POU2F1: variants seen among roughly 807,000 people sequenced by gnomAD.
The protein encoded by POU2F1 is POU domain, class 2, transcription factor 1.
Under a neutral mutation model 84.9 loss-of-function variants are expected in POU2F1, and 16 were observed. The observed-to-expected ratio is 0.19, with a 90% CI of 0.13 to 0.29. The LOEUF (loss-of-function observed/expected upper bound fraction) is 0.29, where lower values mean the gene tolerates loss of function less well. Ranked by LOEUF, POU2F1 falls within the 10% of genes least tolerant of loss-of-function variation. The pLI, the probability that POU2F1 is intolerant of heterozygous loss-of-function variation, is 1.00. For synonymous variants in POU2F1, 368 were observed against 368.3 expected, an observed-to-expected ratio of 1.00 and a Z score of 0.01; for missense variants, 738 against 942.6, an observed-to-expected ratio of 0.78 and a Z score of 2.84.
Position 167,423,749 on chromosome 1 carries a change from T to C in POU2F1, c.*7939T>C, listed in dbSNP as rs1479149109. On this transcript the variant is annotated 3_prime_UTR_variant, in exon 16 of 16. Coordinates refer to ENST00000367866, the MANE Select transcript of POU2F1 (RefSeq NM_002697.4). ...ACTGCTGCAAAGTTTTCCCTTGTTT[T>C]CTTTGTGTACTTGTTCATCATTGTA... 1 of 152,240 alleles carries C rather than the reference T, an allele frequency of 6.6e-6. No individual in the cohort carries two copies. Among genetic ancestry groups the C allele is most frequent in the Non-Finnish European group, 1.5e-5 (1 of 68,044 alleles). 9.4% of individuals were successfully genotyped at this position (152,240 alleles called of 1,614,324 possible). A position where few individuals can be genotyped will look rare whatever the true frequency, so the allele number is the denominator to read the frequency against.
chr1:167,313,287 C>G (rs1471016806), intron 1 of POU2F1, among the ~76,000 whole-genome samples: 1 of 152,092 alleles, frequency 6.6e-6, no homozygotes, highest in African/African-American at 2.4e-5. Flanking sequence ...CAATTTCTAT[C>G]AAAATTCTCA....
chr1:167,285,451 G>A (rs1402914694), intron 1 of POU2F1, among the ~76,000 whole-genome samples: 1 of 152,176 alleles, frequency 6.6e-6, no homozygotes, highest in Non-Finnish European at 1.5e-5. Context: ...AATTAGCCAG[G>A]CGCAGCAGCA....
intron 8 of POU2F1, among the ~76,000 whole-genome samples, chr1:167,384,724 AAAAG>A (rs953561935): frequency 1.3e-5 from 2 of 152,054 alleles, no homozygotes; most frequent in African/African-American, 4.8e-5. Context: ...TAAGAAAAAA[AAAAG>A]AAAAGAAAAA....
chr1:167,313,824 G>T (rs1173302508), intron 1 of POU2F1, among the ~76,000 whole-genome samples: 1 of 152,176 alleles, frequency 6.6e-6, no homozygotes, highest in African/African-American at 2.4e-5. Flanking sequence ...GAAAATATTT[G>T]CAAAGAACAT....
intron 1 of POU2F1, among the ~76,000 whole-genome samples, chr1:167,312,908 C>T (rs1655603950): frequency 6.6e-6 from 1 of 152,226 alleles, no homozygotes; most frequent in Non-Finnish European, 1.5e-5. Flanking sequence ...CATTGTGTTA[C>T]AGTTGCCTAC....
chr1:167,400,384 C>G (rs957190281), intron 12 of POU2F1, among the ~76,000 whole-genome samples: 2 of 152,150 alleles, frequency 1.3e-5, no homozygotes, highest in African/African-American at 4.8e-5. Context: ...TTAGATTACT[C>G]TGTAACCATG....
At chr1:167,372,185 GTAGT>G (rs1660052823) in intron 5 of POU2F1, 149 bp downstream of exon 5, 2 of 957,120 alleles carry the variant, frequency 2.1e-6, no homozygotes, top group Non-Finnish European at 3.0e-6. Flanking sequence ...TACACTGTAG[GTAGT>G]AAGTTGCTCT....
chr1:167,276,962 C>T (rs1180890959), intron 1 of POU2F1, among the ~76,000 whole-genome samples: 1 of 152,078 alleles, frequency 6.6e-6, no homozygotes, highest in East Asian at 1.9e-4. Flanking sequence ...GTAGAATGTG[C>T]TCTTGTTGCA....
chr1:167,393,977 G>T (rs1324956974), intron 9 of POU2F1, among the ~76,000 whole-genome samples: 1 of 150,496 alleles, frequency 6.6e-6, no homozygotes, highest in Non-Finnish European at 1.5e-5. Context: ...TTGATTGAAT[G>T]AAGTAACATT....
At chr1:167,401,032 G>GT (rs34323297) in intron 12 of POU2F1, among the ~76,000 whole-genome samples, 2,240 of 151,762 alleles carry the variant, frequency 0.015, 20 homozygotes, top group South Asian at 0.026. Flanking sequence ...AAACTAATCC[G>GT]TTTTTTTTAA....
chr1:167,278,234 C>A (rs1480495022), intron 1 of POU2F1, among the ~76,000 whole-genome samples: 1 of 152,186 alleles, frequency 6.6e-6, no homozygotes, highest in East Asian at 1.9e-4. Flanking sequence ...TTTCATTCTT[C>A]ACGTCTCAAC....
intron 1 of POU2F1, among the ~76,000 whole-genome samples, chr1:167,308,156 G>A (rs897381236): frequency 6.6e-5 from 10 of 150,566 alleles, no homozygotes; most frequent in African/African-American, 2.2e-4. Flanking sequence ...AGCCTCTGCC[G>A]CCCGGGTTCA....
At chr1:167,305,892 A>G (rs1184665790) in intron 1 of POU2F1, among the ~76,000 whole-genome samples, 1 of 152,224 alleles carries the variant, frequency 6.6e-6, no homozygotes, top group African/African-American at 2.4e-5. Flanking sequence ...TGGAACAACT[A>G]ACATTTCCTG....
chr1:167,395,130 C>T (rs1485565529), intron 9 of POU2F1, among the ~76,000 whole-genome samples: 1 of 152,132 alleles, frequency 6.6e-6, no homozygotes, highest in Non-Finnish European at 1.5e-5. Context: ...GTATATAAAG[C>T]AACTATCTTA....
intron 15 of POU2F1, among the ~76,000 whole-genome samples, chr1:167,415,290 C>A (rs1024103082): frequency 5.9e-5 from 9 of 152,166 alleles, no homozygotes; most frequent in Admixed American, 2.6e-4. Context: ...TTAAATTAGA[C>A]ATTTCAGTCT....
At chr1:167,326,742 C>CT (rs1262496564) in intron 1 of POU2F1, among the ~76,000 whole-genome samples, 2 of 152,096 alleles carry the variant, frequency 1.3e-5, no homozygotes, top group African/African-American at 2.4e-5. Context: ...GGAGGAGGCT[C>CT]TTTCACTAGG....
intron 2 of POU2F1, among the ~76,000 whole-genome samples, chr1:167,359,062 A>C (rs866602118): frequency 6.9e-6 from 1 of 144,266 alleles, no homozygotes; most frequent in Non-Finnish European, 1.5e-5. Context: ...CTTTCCCTCT[A>C]TTTTCTTTGG....
chr1:167,330,037 A>G (rs1013177413), intron 1 of POU2F1, among the ~76,000 whole-genome samples: 5 of 152,200 alleles, frequency 3.3e-5, no homozygotes, highest in Non-Finnish European at 1.5e-5. Context: ...TGAAGATTTC[A>G]AATAAATCAA....
rs560720123 is a variant in POU2F1 at position 167,368,542 on chromosome 1, A to G, written c.229-1619A>G. On this transcript the variant is annotated intron_variant, in intron 3 of 15. Coordinates refer to ENST00000367866, the MANE Select transcript of POU2F1 (RefSeq NM_002697.4). ...CAACAGACTTTTACCCTGAAACGTAATAAGTAAAAATCACATAAAATTTTT... is the reference window on the plus strand; with the variant it reads ...CAACAGACTTTTACCCTGAAACGTAGTAAGTAAAAATCACATAAAATTTTT... Among the ~76,000 whole-genome samples the G allele has an allele frequency of 3.3e-5, 5 of 152,292 alleles. No homozygotes were observed. In the South Asian group the frequency reaches 1.0e-3, roughly 32 times the overall value.
Sources: allele counts gnomAD v4.1 joint callset (sites outside exome capture counted in the v4.1 genomes callset), GRCh38; gene constraint gnomAD v4.1.1; transcripts MANE v1.5; gene names NCBI Gene and HGNC (gene_info 2026-07-23, HGNC 2026-07-21).